LRBA: variants seen among roughly 807,000 people sequenced by gnomAD.
LRBA encodes lipopolysaccharide-responsive and beige-like anchor protein.
In LRBA, 176 loss-of-function variants were observed where a neutral mutation model predicts 330.0. That is an observed-to-expected ratio of 0.53 (90% CI 0.47 to 0.60). LRBA has a LOEUF of 0.60. Ranked by LOEUF, LRBA falls within the 20% of genes least tolerant of loss-of-function variation. LRBA has a pLI of 0.00. For missense variants in LRBA, 3,259 were observed against 3,444.8 expected (o/e 0.95, Z 1.35); for synonymous variants, 1,230 against 1,193.0 (o/e 1.03, Z -0.64).
intron 2 of LRBA, among the ~76,000 whole-genome samples, chr4:151,005,687 C>G (rs1743990699): frequency 6.6e-6 from 1 of 150,548 alleles, no homozygotes; most frequent in East Asian, 2.0e-4. Flanking sequence ...TCACACCAAC[C>G]TCCACCTCCC....
intron 9 of LRBA, among the ~76,000 whole-genome samples, chr4:150,909,353 C>T (rs749452302): frequency 6.6e-6 from 1 of 152,122 alleles, no homozygotes; most frequent in Non-Finnish European, 1.5e-5. Context: ...TTAGATACCT[C>T]GTATAAGTGG....
In LRBA at chr4:150,326,034, G is replaced by A. The variant is rs572621631; in HGVS notation, c.7363-136C>T. 764 of 645,516 alleles carry A rather than the reference G, an allele frequency of 1.2e-3. 14 individuals carry two copies. In the South Asian group the frequency reaches 0.013, roughly 11 times the overall value. 40.0% of individuals were successfully genotyped at this position (645,516 alleles called of 1,614,324 possible). A position where few individuals can be genotyped will look rare whatever the true frequency, so the allele number is the denominator to read the frequency against. On this transcript the variant is annotated intron_variant, in intron 48 of 56. Coordinates refer to ENST00000651943, the MANE Select transcript of LRBA (RefSeq NM_001364905.1). The stretch of plus-strand genomic sequence containing the variant: ...AAATCAACCTGTGTTTTCACAGTGG[G>A]GCTAACCACCTGGCAAGGGCATTGA...
chr4:150,569,901 C>T (rs1412007628), intron 40 of LRBA, among the ~76,000 whole-genome samples: 1 of 152,008 alleles, frequency 6.6e-6, no homozygotes, highest in Non-Finnish European at 1.5e-5. Context: ...TAAATTGAGA[C>T]TAACCATATT....
chr4:150,891,702 T>A (rs1285519745), intron 17 of LRBA, among the ~76,000 whole-genome samples: 1 of 152,098 alleles, frequency 6.6e-6, no homozygotes, highest in African/African-American at 2.4e-5. Flanking sequence ...AATAAATCTC[T>A]CTCGTGAGTG....
At chr4:150,679,184 C>G (rs902831567) in intron 37 of LRBA, among the ~76,000 whole-genome samples, 1 of 152,136 alleles carries the variant, frequency 6.6e-6, no homozygotes, top group Non-Finnish European at 1.5e-5. Context: ...AAAATCAACA[C>G]CACCCTAGCC....
At chr4:150,739,584 G>A (rs1422713783) in intron 35 of LRBA, among the ~76,000 whole-genome samples, 2 of 152,112 alleles carry the variant, frequency 1.3e-5, no homozygotes, top group African/African-American at 2.4e-5. Flanking sequence ...GGCTTGCCTC[G>A]AAGCAAGAAA....
At chr4:150,722,099 G>A (rs113088834) in intron 36 of LRBA, among the ~76,000 whole-genome samples, 9,265 of 152,138 alleles carry the variant, frequency 0.061, 862 homozygotes, top group African/African-American at 0.21. Flanking sequence ...TGCAATGCAA[G>A]CCTTCCACCC....
chr4:150,915,920 T>A (rs1309088733), intron 7 of LRBA, among the ~76,000 whole-genome samples, 193 bp from the exon 8 acceptor site: 1 of 152,158 alleles, frequency 6.6e-6, no homozygotes, highest in Non-Finnish European at 1.5e-5. Flanking sequence ...AAGAACTTAA[T>A]CACTAGATCA....
At chr4:150,653,365 A>C (rs1197580764) in intron 37 of LRBA, among the ~76,000 whole-genome samples, 1 of 152,214 alleles carries the variant, frequency 6.6e-6, no homozygotes, top group African/African-American at 2.4e-5. Flanking sequence ...ATTTAAACAT[A>C]ATTTGCCATG....
intron 55 of LRBA, among the ~76,000 whole-genome samples, chr4:150,278,706 C>A (rs76166454): frequency 1.3e-5 from 2 of 152,304 alleles, no homozygotes; most frequent in South Asian, 4.1e-4. Flanking sequence ...TGAAAGCCTG[C>A]GGGCCAAGTG....
intron 53 of LRBA, among the ~76,000 whole-genome samples, chr4:150,292,726 A>T (rs1204772814): frequency 6.6e-6 from 1 of 152,190 alleles, no homozygotes; most frequent in African/African-American, 2.4e-5. Context: ...CCTTTTATTT[A>T]AAAATAACTT....
intron 35 of LRBA, among the ~76,000 whole-genome samples, chr4:150,747,478 G>A (rs1322443435): frequency 6.6e-6 from 1 of 152,154 alleles, no homozygotes; most frequent in African/African-American, 2.4e-5. Flanking sequence ...GTGCTTATAA[G>A]GAAAAGAAAC....
intron 36 of LRBA, among the ~76,000 whole-genome samples, chr4:150,706,840 A>G (rs1785676892): frequency 6.6e-6 from 1 of 151,736 alleles, no homozygotes; most frequent in Admixed American, 6.6e-5. Flanking sequence ...ACTCACTCAT[A>G]AAAAACCAAA....
At chr4:150,543,712 A>G (rs1175597943) in intron 40 of LRBA, among the ~76,000 whole-genome samples, 1 of 152,202 alleles carries the variant, frequency 6.6e-6, no homozygotes, top group African/African-American at 2.4e-5. Context: ...AACAGCAGCA[A>G]CACTAGAAAT....
At chr4:150,268,472 T>G (rs1022398572) in intron 56 of LRBA, among the ~76,000 whole-genome samples, 1 of 152,142 alleles carries the variant, frequency 6.6e-6, no homozygotes, top group Non-Finnish European at 1.5e-5. Context: ...GTTGAAGACA[T>G]TACAACAAAA....
intron 2 of LRBA, among the ~76,000 whole-genome samples, chr4:150,970,510 T>C (rs900585557): frequency 2.2e-5 from 3 of 134,466 alleles, no homozygotes; most frequent in African/African-American, 8.4e-5. Context: ...AAAAAAATAA[T>C]AATAATATAT....
intron 12 of LRBA, 57 bp from the exon 13 acceptor site, chr4:150,906,047 C>T (rs371537221): frequency 3.1e-5 from 45 of 1,464,176 alleles, no homozygotes; most frequent in African/African-American, 2.8e-4. Flanking sequence ...AAGTGAATTA[C>T]AGGCTGTCCC....
chr4:150,680,238 T>C (rs891941922), intron 37 of LRBA, among the ~76,000 whole-genome samples: 12 of 152,194 alleles, frequency 7.9e-5, no homozygotes, highest in African/African-American at 2.9e-4. Flanking sequence ...CATTATTTCC[T>C]GAAATCTCTA....
chr4:150,487,524 A>G (rs1419454220), intron 42 of LRBA, among the ~76,000 whole-genome samples: 1 of 151,600 alleles, frequency 6.6e-6, no homozygotes, highest in Admixed American at 6.6e-5. Context: ...AAACTTAATA[A>G]CTTAAAACAG....
Sources: gnomAD v4.1 joint callset for allele counts (sites outside exome capture counted in the v4.1 genomes callset) on GRCh38, gnomAD v4.1.1 for gene constraint, MANE v1.5 for transcripts, NCBI Gene and HGNC (gene_info 2026-07-23, HGNC 2026-07-21) for gene names.